The following TTC28 variants were observed in gnomAD, a reference collection of about 807,000 sequenced individuals.
TTC28 encodes tetratricopeptide repeat protein 28.
A neutral mutation model predicts 198.0 loss-of-function variants in TTC28; 61 were observed. The ratio of observed to expected loss-of-function variants is 0.31; its 90% CI spans 0.25 to 0.38. The LOEUF is 0.38. TTC28 is among the 10% of genes least tolerant of loss of function. TTC28 has a pLI of 1.00. For synonymous variants in TTC28, 1,171 were observed against 1,297.8 expected (o/e 0.90, Z 2.10); for missense variants, 2,678 against 3,164.0 (o/e 0.85, Z 3.69).
intron 2 of TTC28, among the ~76,000 whole-genome samples, chr22:28,485,534 A>T (rs2048304965): frequency 6.6e-6 from 1 of 152,154 alleles, no homozygotes; most frequent in African/African-American, 2.4e-5. Context: ...CACCAGCATG[A>T]TTAAAAAAAT....
chr22:28,243,443 G>A (rs1310948370), intron 5 of TTC28, among the ~76,000 whole-genome samples: 2 of 144,064 alleles, frequency 1.4e-5, no homozygotes, highest in African/African-American at 5.2e-5. Flanking sequence ...TCGTTTTTCT[G>A]TGTGTTTTTA....
intron 2 of TTC28, among the ~76,000 whole-genome samples, chr22:28,519,419 A>C (rs1269338478): frequency 6.6e-6 from 1 of 152,246 alleles, no homozygotes; most frequent in Non-Finnish European, 1.5e-5. Context: ...GCAGATAAAA[A>C]AATAAACAAC....
At chr22:28,059,128 T>A (rs761854062) in intron 12 of TTC28, among the ~76,000 whole-genome samples, 3 of 152,000 alleles carry the variant, frequency 2.0e-5, no homozygotes, top group Non-Finnish European at 4.4e-5. Flanking sequence ...TATCATTTTC[T>A]TCTTTCTACT....
At chr22:28,307,683 A>T (rs1192347897) in intron 2 of TTC28, among the ~76,000 whole-genome samples, 1 of 152,228 alleles carries the variant, frequency 6.6e-6, no homozygotes, top group Non-Finnish European at 1.5e-5. Context: ...ATACATACAA[A>T]TAACATATAA....
chr22:28,014,170 G>T, intron 14 of TTC28, 78 bp downstream of exon 14: 7 of 1,474,546 alleles, frequency 4.7e-6, no homozygotes, highest in Non-Finnish European at 6.3e-6. Flanking sequence ...TGGTGTCTAA[G>T]AGGGATACAT....
chr22:27,996,262 G>A lies in TTC28; in HGVS notation c.5120-3C>T. On this transcript the variant is annotated splice_polypyrimidine_tract_variant and splice_region_variant and intron_variant, in intron 16 of 22. Coordinates refer to ENST00000397906, the MANE Select transcript of TTC28 (RefSeq NM_001145418.2). Reference sequence around the variant, plus strand: ...GTCACTCCCGATGAGCATGAACCCTGCAGAAAGCAAAGGAGGGCACCTCAG... The same window carrying A: ...GTCACTCCCGATGAGCATGAACCCTACAGAAAGCAAAGGAGGGCACCTCAG... The A allele has an allele frequency of 6.4e-7, 1 of 1,550,502 alleles. No individual in the cohort carries two copies. Among genetic ancestry groups the A allele is most frequent in the Non-Finnish European group, 8.7e-7 (1 of 1,146,822 alleles).
intron 9 of TTC28, among the ~76,000 whole-genome samples, chr22:28,100,285 G>A (rs1328515710): frequency 1.3e-5 from 2 of 152,210 alleles, no homozygotes; most frequent in African/African-American, 2.4e-5. Flanking sequence ...AATTGGCTGT[G>A]TGACTTTTGG....
chr22:28,096,269 T>C lies in TTC28; in HGVS notation c.3687A>G (p.Val1229=). 6.4e-7 allele frequency: 1 copy of C among 1,551,760 alleles called. No homozygotes were observed. ...PVTIDQILEM[V]NGQRGLVLYY... ...AAAGCACTAGTCCCCTCTGGCCATT[T>C]ACCATCTCTAAGATCTGATCAATAG... The change falls in exon 11 of 23, where the codon GTA becomes GTG. Residue 1229 remains valine, a synonymous_variant. Transcript: ENST00000397906.
At chr22:28,416,350 A>C (rs2047167781) in intron 2 of TTC28, among the ~76,000 whole-genome samples, 1 of 152,220 alleles carries the variant, frequency 6.6e-6, no homozygotes, top group Admixed American at 6.5e-5. Flanking sequence ...TCATACCCAC[A>C]CACAATTTCC....
intron 2 of TTC28, among the ~76,000 whole-genome samples, chr22:28,330,461 A>T (rs1158696810): frequency 1.3e-5 from 2 of 152,134 alleles, no homozygotes; most frequent in Non-Finnish European, 2.9e-5. Context: ...GTGCTATTTG[A>T]CAGATACCTT....
At position 27,998,692 on chromosome 22, in the gene TTC28, G is replaced by A. The variant is rs1937595349; in HGVS notation, c.4967C>T (p.Ser1656Phe). 3.9e-6 allele frequency: 6 copies of A among 1,550,820 alleles called. No individual in the cohort carries two copies. The highest frequency in any genetic ancestry group is 3.5e-6 in the Non-Finnish European group (4 of 1,147,016). The change falls in exon 16 of 23, where the codon TCT becomes TTT. Residue 1656 changes from serine to phenylalanine, a missense_variant. Ser to Phe is a radical substitution (Grantham distance 155). Around this residue, in one of 8 missense-constraint regions of TTC28, gnomAD observed 314 missense variants for 442.7 expected, o/e 0.71. Coordinates refer to ENST00000397906, the MANE Select transcript of TTC28 (RefSeq NM_001145418.2). ...LAAGAQCVLV[S>F]LWPVPVAASK... ...AGCAGCCACTGGCACAGGCCACAGAGACACGAGGACACACTGAGCGCCGGC... is the reference window on the plus strand; with the variant it reads ...AGCAGCCACTGGCACAGGCCACAGAAACACGAGGACACACTGAGCGCCGGC...
intron 2 of TTC28, among the ~76,000 whole-genome samples, chr22:28,493,094 C>A (rs1024115797): frequency 6.6e-6 from 1 of 150,578 alleles, no homozygotes; most frequent in African/African-American, 2.4e-5. Flanking sequence ...CAGAGGCTCA[C>A]GCCTGTAATC....
chr22:28,110,165 G>A (rs1351296228), intron 6 of TTC28, among the ~76,000 whole-genome samples: 1 of 152,192 alleles, frequency 6.6e-6, no homozygotes, highest in Non-Finnish European at 1.5e-5. Flanking sequence ...GGGCTGCAGT[G>A]CAGGGTGAGT....
chr22:28,306,418 C>G (rs1216760355), intron 3 of TTC28, 78 bp downstream of exon 3: 1 of 1,455,798 alleles, frequency 6.9e-7, no homozygotes, highest in Non-Finnish European at 9.2e-7. Flanking sequence ...ATTCTCTGTG[C>G]CTGAGCCTAA....
intron 2 of TTC28, among the ~76,000 whole-genome samples, chr22:28,434,423 C>G (rs199634008): frequency 2.4e-4 from 37 of 152,226 alleles, no homozygotes; most frequent in East Asian, 2.3e-3. Context: ...GTAGCTCATG[C>G]CTGTAATCCC....
intron 3 of TTC28, among the ~76,000 whole-genome samples, chr22:28,305,136 G>A (rs950523927): frequency 6.6e-6 from 1 of 151,922 alleles, no homozygotes; most frequent in Admixed American, 6.6e-5. Context: ...GACTACAGGC[G>A]CGCACTACCA....
intron 1 of TTC28, among the ~76,000 whole-genome samples, chr22:28,656,726 A>G (rs1379128412): frequency 6.6e-6 from 1 of 152,178 alleles, no homozygotes; most frequent in Non-Finnish European, 1.5e-5. Context: ...TAATAACAAA[A>G]ACAATATCTC....
At chr22:28,310,269 A>G (rs1428295895) in intron 2 of TTC28, among the ~76,000 whole-genome samples, 2 of 152,194 alleles carry the variant, frequency 1.3e-5, no homozygotes, top group Admixed American at 6.5e-5. Context: ...GCAGTAAATG[A>G]TAACTAAAAG....
intron 10 of TTC28, among the ~76,000 whole-genome samples, chr22:28,097,480 C>A (rs1016813786): frequency 6.6e-6 from 1 of 152,184 alleles, no homozygotes; most frequent in African/African-American, 2.4e-5. Context: ...CTATCTCAAG[C>A]TTTTCCCATC....
Sources: gnomAD v4.1 joint callset for allele counts (sites outside exome capture counted in the v4.1 genomes callset) on GRCh38, gnomAD v4.1.1 for gene constraint, gnomAD v4.1.1 regional missense constraint, MANE v1.5 for transcripts, NCBI Gene and HGNC (gene_info 2026-07-23, HGNC 2026-07-21) for gene names.